The following PITPNB variants were observed in gnomAD, a reference collection of about 807,000 sequenced individuals.
PITPNB encodes phosphatidylinositol transfer protein beta isoform.
In PITPNB, 16 loss-of-function variants were observed where a neutral mutation model predicts 45.9. The ratio of observed to expected loss-of-function variants is 0.35; its 90% CI spans 0.24 to 0.53. The LOEUF (loss-of-function observed/expected upper bound fraction) is 0.53. Ranked by LOEUF, PITPNB falls within the 20% of genes least tolerant of loss-of-function variation. PITPNB has a pLI of 0.93. For missense variants in PITPNB, 188 were observed against 330.5 expected (o/e 0.57, Z 3.34); for synonymous variants, 112 against 108.9 (o/e 1.03, Z -0.18).
intron 6 of PITPNB, among the ~76,000 whole-genome samples, chr22:27,895,739 T>C (rs1026133322): frequency 6.6e-6 from 1 of 152,174 alleles, no homozygotes; most frequent in Non-Finnish European, 1.5e-5. Context: ...AAAACAGAAT[T>C]TGCCACAATC....
chr22:27,872,030 C>G (rs558718227), intron 8 of PITPNB, among the ~76,000 whole-genome samples: 2 of 150,982 alleles, frequency 1.3e-5, no homozygotes, highest in East Asian at 3.9e-4. Context: ...AAGCAGATAC[C>G]AGCACTATGC....
chr22:27,859,875 C>T (rs573536358), intron 9 of PITPNB, among the ~76,000 whole-genome samples: 10 of 152,268 alleles, frequency 6.6e-5, no homozygotes, highest in African/African-American at 2.4e-4. Context: ...TCTACAGAAG[C>T]GCTGGGCAAA....
At chr22:27,864,054 GAGA>G (rs1358472955) in intron 8 of PITPNB, among the ~76,000 whole-genome samples, 1 of 152,074 alleles carries the variant, frequency 6.6e-6, no homozygotes, top group Non-Finnish European at 1.5e-5. Context: ...AAACCCTTCA[GAGA>G]AGAACACGTA....
At position 27,853,429 on chromosome 22, in the gene PITPNB, T is replaced by G. The variant is rs1181533342; in HGVS notation, c.*273A>C. 7 of 565,428 alleles carry G rather than the reference T, an allele frequency of 1.2e-5. No homozygotes were observed. Among genetic ancestry groups the G allele is most frequent in the Non-Finnish European group, 1.9e-5 (6 of 317,068 alleles). 35.0% of individuals were successfully genotyped at this position (565,428 alleles called of 1,614,324 possible). ...TACTAATCCCTTCAGTATGTCTGTA[T>G]GTACATATATACACAAGTGTGTGTA... On this transcript the variant is annotated 3_prime_UTR_variant, in exon 12 of 12. Transcript: ENST00000335272.
intron 2 of PITPNB, among the ~76,000 whole-genome samples, chr22:27,913,354 T>A (rs961349766): frequency 3.3e-5 from 5 of 152,206 alleles, no homozygotes; most frequent in African/African-American, 1.2e-4. Flanking sequence ...TTTGTCCCAC[T>A]TCCAAGTCAC....
At chr22:27,861,024 GAAAAAAA>G (rs35013749) in intron 8 of PITPNB, among the ~76,000 whole-genome samples, 1 of 57,816 alleles carries the variant, frequency 1.7e-5, no homozygotes, top group Non-Finnish European at 3.3e-5. Flanking sequence ...CCCATTTCTG[GAAAAAAA>G]AAAAAAAAAA....
rs556283759 is a variant in PITPNB at position 27,859,048 on chromosome 22, T to C, written c.646-539A>G. 1.1e-3 allele frequency among the ~76,000 whole-genome samples: 160 copies of C among 152,332 alleles called. 4 individuals carry two copies. In the South Asian group the frequency reaches 0.03, roughly 28 times the overall value. On this transcript the variant is annotated intron_variant, in intron 9 of 11. Coordinates refer to ENST00000335272, the MANE Select transcript of PITPNB (RefSeq NM_012399.5). ...TAAATATATTTAAAAACCATGTATATAATTAGCGGTTTCAATTGATGGATT... is the reference window on the plus strand; with the variant it reads ...TAAATATATTTAAAAACCATGTATACAATTAGCGGTTTCAATTGATGGATT...
At chr22:27,909,590 C>A (rs1935861050) in intron 3 of PITPNB, among the ~76,000 whole-genome samples, 1 of 152,034 alleles carries the variant, frequency 6.6e-6, no homozygotes, top group Non-Finnish European at 1.5e-5. Context: ...TATCTTTTGT[C>A]TACGAAATTA....
intron 8 of PITPNB, among the ~76,000 whole-genome samples, chr22:27,871,727 G>C (rs1366804973): frequency 1.3e-5 from 2 of 152,176 alleles, no homozygotes; most frequent in African/African-American, 4.8e-5. Context: ...GGGTAATATA[G>C]ATTGGGAATT....
chr22:27,891,318 A>C (rs906611841), intron 7 of PITPNB, among the ~76,000 whole-genome samples: 19 of 152,202 alleles, frequency 1.2e-4, no homozygotes, highest in Non-Finnish European at 2.5e-4. Flanking sequence ...AATCTCTAAA[A>C]CGTAATGGGA....
chr22:27,854,520 T>A (rs1284375322), intron 11 of PITPNB, among the ~76,000 whole-genome samples: 1 of 152,286 alleles, frequency 6.6e-6, no homozygotes, highest in Admixed American at 6.5e-5. Context: ...TAACCACAAA[T>A]GGTTCTACAA....
At chr22:27,859,458 C>G (rs901761429) in intron 9 of PITPNB, among the ~76,000 whole-genome samples, 1 of 152,100 alleles carries the variant, frequency 6.6e-6, no homozygotes, top group African/African-American at 2.4e-5. Context: ...AATAAATATT[C>G]GCCCTACAGG....
chr22:27,914,722 C>T (rs1936029180), intron 1 of PITPNB, among the ~76,000 whole-genome samples: 1 of 152,180 alleles, frequency 6.6e-6, no homozygotes, highest in Non-Finnish European at 1.5e-5. Flanking sequence ...GTTTCATTCT[C>T]CACCTATATA....
chr22:27,866,518 T>C (rs1427822228), intron 8 of PITPNB, among the ~76,000 whole-genome samples: 1 of 152,172 alleles, frequency 6.6e-6, no homozygotes, highest in East Asian at 1.9e-4. Flanking sequence ...GACAAACAAA[T>C]ATAAACAAAC....
Position 27,853,439 on chromosome 22 carries a change from T to A in PITPNB, c.*263A>T, listed in dbSNP as rs1436189184. On this transcript the variant is annotated 3_prime_UTR_variant, in exon 12 of 12. Transcript: ENST00000335272. Reference sequence around the variant, plus strand: ...TTCAGTATGTCTGTATGTACATATATACACAAGTGTGTGTATCTGGATCTG... The same window carrying A: ...TTCAGTATGTCTGTATGTACATATAAACACAAGTGTGTGTATCTGGATCTG... 6.6e-6 allele frequency: 4 copies of A among 604,690 alleles called. No individual in the cohort carries two copies. The Admixed American group carries it at 1.1e-4, about 16-fold the overall frequency. 37.5% of individuals were successfully genotyped at this position (604,690 alleles called of 1,614,324 possible).
intron 2 of PITPNB, among the ~76,000 whole-genome samples, chr22:27,912,983 C>CAAA (rs35050003): frequency 0.039 from 1,298 of 33,584 alleles, 25 homozygotes; most frequent in Admixed American, 0.051. Context: ...ACTCCATCTC[C>CAAA]AAAAAAAAAA....
intron 3 of PITPNB, among the ~76,000 whole-genome samples, chr22:27,902,286 G>A (rs966009284): frequency 3.9e-5 from 6 of 152,104 alleles, no homozygotes; most frequent in African/African-American, 1.2e-4. Flanking sequence ...AAGACTTAAC[G>A]TGCTTGAGCC....
intron 7 of PITPNB, among the ~76,000 whole-genome samples, chr22:27,881,397 A>AT (rs1934967658): frequency 6.6e-6 from 1 of 152,206 alleles, no homozygotes; most frequent in Non-Finnish European, 1.5e-5. Context: ...TTATGCACAC[A>AT]TAATAAAGAG....
At chr22:27,866,889 G>A (rs1237121866) in intron 8 of PITPNB, among the ~76,000 whole-genome samples, 2 of 152,160 alleles carry the variant, frequency 1.3e-5, no homozygotes, top group Middle Eastern at 3.2e-3. Flanking sequence ...CAGTGTGTGT[G>A]CATCAGTAAA....
Sources: allele counts gnomAD v4.1 joint callset (sites outside exome capture counted in the v4.1 genomes callset), GRCh38; gene constraint gnomAD v4.1.1; transcripts MANE v1.5; gene names NCBI Gene and HGNC (gene_info 2026-07-23, HGNC 2026-07-21).